Variants in HECW1 observed in about 807,000 individuals in gnomAD.
The protein encoded by HECW1 is E3 ubiquitin-protein ligase HECW1.
HECW1 carries 61 observed loss-of-function variants against 182.3 expected under a neutral mutation model. That is an observed-to-expected ratio of 0.33 (90% CI 0.27 to 0.41). The LOEUF is 0.41. Among genes scored for constraint, HECW1 ranks in the 10% least tolerant of loss-of-function variants. HECW1 has a pLI of 1.00. For missense variants in HECW1, 1,739 were observed against 2,108.9 expected, an observed-to-expected ratio of 0.82 and a Z score of 3.44; for synonymous variants, 859 against 832.6, an observed-to-expected ratio of 1.03 and a Z score of -0.55.
At chr7:43,549,173 A>G (rs1253701252) in intron 26 of HECW1, among the ~76,000 whole-genome samples, 1 of 152,224 alleles carries the variant, frequency 6.6e-6, no homozygotes, top group Non-Finnish European at 1.5e-5. Flanking sequence ...ATCCCATTGG[A>G]CAGAATTTAC....
In HECW1 at chr7:43,474,373, T is replaced by C. The variant is rs183455310; in HGVS notation, c.3100-5237T>C. 9.7e-3 allele frequency among the ~76,000 whole-genome samples: 1,471 copies of C among 152,154 alleles called. 14 individuals carry two copies. The highest frequency in any genetic ancestry group is 0.014 in the Non-Finnish European group (973 of 68,000). The stretch of plus-strand genomic sequence containing the variant: ...CTGAGGCAGGAGAATGGCGTGAACC[T>C]GGGAGGCAGAGCTTGCAGTGAGCCG... On this transcript the variant is annotated intron_variant, in intron 16 of 29. Coordinates refer to ENST00000395891, the MANE Select transcript of HECW1 (RefSeq NM_015052.5).
At chr7:43,453,553 G>T (rs1418369084) in intron 12 of HECW1, among the ~76,000 whole-genome samples, 1 of 152,160 alleles carries the variant, frequency 6.6e-6, no homozygotes, top group African/African-American at 2.4e-5. Flanking sequence ...TGACTCTGAA[G>T]TTCAAGAGAA....
At chr7:43,162,623 C>T (rs1053964632) in intron 2 of HECW1, among the ~76,000 whole-genome samples, 1 of 152,206 alleles carries the variant, frequency 6.6e-6, no homozygotes, top group African/African-American at 2.4e-5. Context: ...AGGACATGGA[C>T]ATATCTTTTG....
Position 43,403,833 on chromosome 7 carries a change from A to G in HECW1, c.632-3729A>G, listed in dbSNP as rs2075511170. 2.6e-5 allele frequency among the ~76,000 whole-genome samples: 4 copies of G among 152,232 alleles called. No individual in the cohort carries two copies. The South Asian group carries it at 8.3e-4, about 31-fold the overall frequency. On this transcript the variant is annotated intron_variant, in intron 7 of 29. Coordinates refer to ENST00000395891, the MANE Select transcript of HECW1 (RefSeq NM_015052.5). ...GGAGGGGGTACTTAACTTGAAATAA[A>G]TAATTATTTCAATTAGTTATTTGAA...
intron 11 of HECW1, among the ~76,000 whole-genome samples, chr7:43,447,850 G>A (rs941537780): frequency 2.0e-5 from 3 of 152,168 alleles, no homozygotes; most frequent in Non-Finnish European, 4.4e-5. Context: ...AGACGGCTGG[G>A]TGTGTGGGCT....
intron 3 of HECW1, among the ~76,000 whole-genome samples, chr7:43,249,968 G>A (rs1799849973): frequency 6.6e-6 from 1 of 152,050 alleles, no homozygotes; most frequent in African/African-American, 2.4e-5. Context: ...TATGGGTCCC[G>A]GGCCTGTTTG....
intron 6 of HECW1, among the ~76,000 whole-genome samples, chr7:43,369,482 A>G (rs1817060491): frequency 6.6e-6 from 1 of 152,182 alleles, no homozygotes; most frequent in Non-Finnish European, 1.5e-5. Context: ...AAAAAAATAA[A>G]GAGACAATTT....
intron 6 of HECW1, among the ~76,000 whole-genome samples, chr7:43,362,663 G>A (rs1816112102): frequency 6.6e-6 from 1 of 152,234 alleles, no homozygotes; most frequent in Non-Finnish European, 1.5e-5. Flanking sequence ...AATCAAGGTA[G>A]CTTAGAGACA....
At position 43,563,096 on chromosome 7, in the gene HECW1, G is replaced by A; in HGVS notation, c.*1170G>A. 9.8e-6 allele frequency: 2 copies of A among 203,506 alleles called. No homozygotes were observed. Among genetic ancestry groups the A allele is most frequent in the African/African-American group, 4.6e-5 (2 of 43,666 alleles). 12.6% of individuals were successfully genotyped at this position (203,506 alleles called of 1,614,324 possible). A position where few individuals can be genotyped will look rare whatever the true frequency, so the allele number is the denominator to read the frequency against. On this transcript the variant is annotated 3_prime_UTR_variant, in exon 30 of 30. Transcript: ENST00000395891. ...GGACCACACTAGGAAGCTGCAGAGA[G>A]TGATGGTGCTTGTTAGGGATCAAGG...
At chr7:43,312,116 C>A in intron 4 of HECW1, 29 bp downstream of exon 4, 3 of 1,549,090 alleles carry the variant, frequency 1.9e-6, no homozygotes, top group Non-Finnish European at 2.7e-6. Context: ...GTGTATTATT[C>A]ATAATTCACT....
chr7:43,302,909 TACAC>T (rs1284194225), intron 3 of HECW1, among the ~76,000 whole-genome samples: 3 of 152,038 alleles, frequency 2.0e-5, no homozygotes, highest in East Asian at 3.9e-4. Context: ...CTCTGTGTCT[TACAC>T]ACACACCACA....
At chr7:43,430,995 T>C (rs1031765703) in intron 8 of HECW1, among the ~76,000 whole-genome samples, 2 of 151,932 alleles carry the variant, frequency 1.3e-5, no homozygotes, top group African/African-American at 4.8e-5. Context: ...TTGGCCAGGC[T>C]GGTCTCCAAC....
intron 4 of HECW1, among the ~76,000 whole-genome samples, chr7:43,319,302 G>T (rs995255092): frequency 4.1e-5 from 6 of 146,956 alleles, no homozygotes; most frequent in Admixed American, 1.4e-4. Context: ...CAGGAGAATG[G>T]CGTGAACCCG....
At chr7:43,516,042 A>C (rs1462198216) in intron 24 of HECW1, among the ~76,000 whole-genome samples, 1 of 152,238 alleles carries the variant, frequency 6.6e-6, no homozygotes. Context: ...TTTCCTGAGC[A>C]CTCAATTTAA....
chr7:43,320,479 T>TGG (rs1809964775), intron 4 of HECW1, among the ~76,000 whole-genome samples, 156 bp from the exon 5 acceptor site: 1 of 152,222 alleles, frequency 6.6e-6, no homozygotes, highest in Non-Finnish European at 1.5e-5. Context: ...AATGGCGTCT[T>TGG]GGGGTGCTTC....
chr7:43,192,088 T>G (rs907525302), intron 2 of HECW1, among the ~76,000 whole-genome samples: 1 of 151,936 alleles, frequency 6.6e-6, no homozygotes, highest in African/African-American at 2.4e-5. Flanking sequence ...GCCTCCTGAG[T>G]AGCTGGGATT....
chr7:43,213,355 A>G (rs1021178905), intron 2 of HECW1, among the ~76,000 whole-genome samples: 2 of 151,964 alleles, frequency 1.3e-5, no homozygotes, highest in African/African-American at 2.4e-5. Context: ...TCATCTGTAT[A>G]CTACTGATGA....
intron 2 of HECW1, among the ~76,000 whole-genome samples, chr7:43,195,159 T>C (rs1794326809): frequency 6.6e-6 from 1 of 152,204 alleles, no homozygotes; most frequent in African/African-American, 2.4e-5. Flanking sequence ...TTAATAGCAA[T>C]AGATAACTGT....
intron 2 of HECW1, among the ~76,000 whole-genome samples, chr7:43,205,008 A>G (rs1795332077): frequency 6.6e-6 from 1 of 152,114 alleles, no homozygotes; most frequent in Admixed American, 6.5e-5. Flanking sequence ...AGAATATATA[A>G]TTGCAAGCTT....
Sources: gnomAD v4.1 joint callset for allele counts (sites outside exome capture counted in the v4.1 genomes callset) on GRCh38, gnomAD v4.1.1 for gene constraint, MANE v1.5 for transcripts, NCBI Gene and HGNC (gene_info 2026-07-23, HGNC 2026-07-21) for gene names.